Variants in GATAD2B observed in about 807,000 individuals in gnomAD.
The protein encoded by GATAD2B is GATA zinc finger domain containing 2B.
A neutral mutation model predicts 64.3 loss-of-function variants in GATAD2B; 8 were observed. That is an observed-to-expected ratio of 0.12 (90% CI 0.07 to 0.22). The LOEUF is 0.22. Ranked by LOEUF, GATAD2B falls within the 10% of genes least tolerant of loss-of-function variation. The pLI is 1.00. For missense variants in GATAD2B, 453 were observed against 752.0 expected, an observed-to-expected ratio of 0.60 and a Z score of 4.65; for synonymous variants, 281 against 271.3, an observed-to-expected ratio of 1.04 and a Z score of -0.35.
intron 1 of GATAD2B, among the ~76,000 whole-genome samples, chr1:153,899,367 G>C (rs1054112157): frequency 6.6e-6 from 1 of 152,130 alleles, no homozygotes; most frequent in African/African-American, 2.4e-5. Context: ...TCAGGAGCTC[G>C]AGACCAGCGT....
chr1:153,853,218 G>T, intron 1 of GATAD2B: 2 of 1,137,620 alleles, frequency 1.8e-6, no homozygotes, highest in Non-Finnish European at 2.7e-6. Flanking sequence ...GATGGGCAGA[G>T]CACACTGGTC....
rs145399481 is a variant in GATAD2B, at chr1:153,890,293, C to A, written c.-2+32440G>T. Among the ~76,000 whole-genome samples the A allele has an allele frequency of 4.0e-4, 60 of 151,800 alleles. 1 individual carries two copies. Among genetic ancestry groups the A allele is most frequent in the African/African-American group, 1.4e-3 (58 of 41,442 alleles). ...CACAAAGTCAAGAGATCAAGACCAT[C>A]CTGGCTAACACAGTGAGACCCCGTC... is the stretch of plus-strand genomic sequence containing the variant. On this transcript the variant is annotated intron_variant, in intron 1 of 10. Coordinates refer to ENST00000368655, the MANE Select transcript of GATAD2B (RefSeq NM_020699.4).
intron 1 of GATAD2B, among the ~76,000 whole-genome samples, chr1:153,912,054 G>A (rs1557834244): frequency 6.6e-6 from 1 of 152,148 alleles, no homozygotes; most frequent in Non-Finnish European, 1.5e-5. Context: ...AATTAAAAAT[G>A]CCCAGATTCT....
chr1:153,906,593 CT>C (rs1365318280), intron 1 of GATAD2B, among the ~76,000 whole-genome samples: 1 of 151,848 alleles, frequency 6.6e-6, no homozygotes, highest in Non-Finnish European at 1.5e-5. Context: ...TGATGTTGGA[CT>C]TGACAATGAT....
In GATAD2B at chr1:153,825,281, T is replaced by C. The variant is rs76975683; in HGVS notation, c.335+2732A>G. 1.8e-3 allele frequency among the ~76,000 whole-genome samples: 275 copies of C among 152,258 alleles called. 1 individual carries two copies. Among genetic ancestry groups the C allele is most frequent in the Non-Finnish European group, 2.4e-3 (161 of 68,020 alleles). ...TCATGATCTCATTCACCCATATCCT[T>C]TTCTTGCAAACAATCTAAAAATGAA... On this transcript the variant is annotated intron_variant, in intron 2 of 10. Transcript: ENST00000368655.
At chr1:153,839,707 C>T (rs1013943130) in intron 1 of GATAD2B, among the ~76,000 whole-genome samples, 6 of 152,142 alleles carry the variant, frequency 3.9e-5, no homozygotes, top group Non-Finnish European at 8.8e-5. Flanking sequence ...CAGTGGCTCA[C>T]ACCTGTAATC....
Position 153,808,821 on chromosome 1 carries a change from G to C in GATAD2B, c.*1356C>G. 7.0e-6 allele frequency: 1 copy of C among 142,216 alleles called. No homozygotes were observed. The highest frequency in any genetic ancestry group is 2.4e-4 in the South Asian group (1 of 4,156). The allele number at this position is 142,216 out of a possible 1,614,324, so 8.8% of individuals were successfully genotyped here. On this transcript the variant is annotated 3_prime_UTR_variant, in exon 11 of 11. Coordinates refer to ENST00000368655, the MANE Select transcript of GATAD2B (RefSeq NM_020699.4). ...GCTTAAAAAAAAAAAAAAAAAAAAG[G>C]CAAAATTAATATCATTCTGGGGGCG... is the stretch of plus-strand genomic sequence containing the variant.
intron 1 of GATAD2B, among the ~76,000 whole-genome samples, chr1:153,847,059 T>C (rs967133914): frequency 1.3e-5 from 2 of 152,010 alleles, no homozygotes; most frequent in African/African-American, 4.8e-5. Flanking sequence ...CTCTGCTTCC[T>C]GGTTTTAAGT....
chr1:153,844,298 G>T (rs1675606112), intron 1 of GATAD2B, among the ~76,000 whole-genome samples: 1 of 151,806 alleles, frequency 6.6e-6, no homozygotes, highest in African/African-American at 2.4e-5. Context: ...TTAGTAGCCA[G>T]ATTAGAAAAA....
chr1:153,894,698 T>C (rs1015806626), intron 1 of GATAD2B, among the ~76,000 whole-genome samples: 2 of 150,622 alleles, frequency 1.3e-5, no homozygotes, highest in Admixed American at 1.3e-4. Context: ...CCGTCTCTAC[T>C]AAAAATACAA....
chr1:153,899,153 A>G (rs1204748211), intron 1 of GATAD2B, among the ~76,000 whole-genome samples: 5 of 147,504 alleles, frequency 3.4e-5, no homozygotes, highest in African/African-American at 1.2e-4. Context: ...TACTTGGGGA[A>G]CTGAGGCTAG....
chr1:153,806,826 A>G lies in GATAD2B; in HGVS notation c.*3351T>C, dbSNP rs1259669622. 6.6e-6 allele frequency: 1 copy of G among 152,398 alleles called. No homozygotes were observed. The highest frequency in any genetic ancestry group is 1.5e-5 in the Non-Finnish European group (1 of 67,988). The allele number at this position is 152,398 out of a possible 1,614,324, so 9.4% of individuals were successfully genotyped here. On this transcript the variant is annotated 3_prime_UTR_variant, in exon 11 of 11. Coordinates refer to ENST00000368655, the MANE Select transcript of GATAD2B (RefSeq NM_020699.4). The stretch of plus-strand genomic sequence containing the variant: ...TCTGGAGGAGTGGGGAGAAAAGGGA[A>G]TGATTAGGGAAAAGGAACAAAAGTA...
chr1:153,806,459 A>C lies in GATAD2B; in HGVS notation c.*3718T>G. On this transcript the variant is annotated 3_prime_UTR_variant, in exon 11 of 11. Transcript: ENST00000368655. Reference sequence around the variant, plus strand: ...AGTCTCAGTGTGCTGGGCCCGGCCCACTCCCCTACCCACCCTCCACAGCCC... The same window carrying C: ...AGTCTCAGTGTGCTGGGCCCGGCCCCCTCCCCTACCCACCCTCCACAGCCC... The C allele has an allele frequency of 6.6e-6, 1 of 150,644 alleles. No homozygotes were observed. The highest frequency in any genetic ancestry group is 2.5e-5 in the African/African-American group (1 of 40,794). The allele number at this position is 150,644 out of a possible 1,614,324, so 9.3% of individuals were successfully genotyped here.
intron 1 of GATAD2B, among the ~76,000 whole-genome samples, chr1:153,906,976 A>AAAAC (rs757387138): frequency 6.6e-6 from 1 of 152,218 alleles, no homozygotes; most frequent in East Asian, 1.9e-4. Flanking sequence ...TTCCTATTCA[A>AAAAC]AAACAAACAA....
intron 1 of GATAD2B, among the ~76,000 whole-genome samples, chr1:153,832,689 G>C (rs1675121219): frequency 6.6e-6 from 1 of 152,158 alleles, no homozygotes; most frequent in Non-Finnish European, 1.5e-5. Context: ...TACATGTGTA[G>C]ATTTATTAAA....
chr1:153,828,521 A>T (rs1557789324), intron 1 of GATAD2B, among the ~76,000 whole-genome samples, 173 bp from the exon 2 acceptor site: 1 of 151,642 alleles, frequency 6.6e-6, no homozygotes, highest in Non-Finnish European at 1.5e-5. Context: ...GCTATGTCCT[A>T]CCTGATATTG....
chr1:153,861,320 C>T (rs928422953), intron 1 of GATAD2B, among the ~76,000 whole-genome samples: 1 of 151,736 alleles, frequency 6.6e-6, no homozygotes, highest in African/African-American at 2.4e-5. Context: ...GGAAGGCCAA[C>T]GCAGGAGGAT....
chr1:153,822,396 G>A (rs1437103978), intron 2 of GATAD2B, among the ~76,000 whole-genome samples: 1 of 152,092 alleles, frequency 6.6e-6, no homozygotes, highest in Admixed American at 6.6e-5. Context: ...GGAGATTTGG[G>A]AACTGTATGC....
At position 153,817,477 on chromosome 1, in the gene GATAD2B, A is replaced by C; in HGVS notation, c.795T>G (p.Val265=). ...TLPHMLMSQR[V]IAPNPAQLQG... is the part of the protein sequence containing the mutation. ...GTAGCTGGGCTGGGTTTGGTGCAAT[A>C]ACACGTTGAGACATCAACATGTGTG... Residue 265 remains valine (V), a synonymous_variant, in exon 6 of 11, where the codon GTT becomes GTG. Coordinates refer to ENST00000368655, the MANE Select transcript of GATAD2B (RefSeq NM_020699.4). 1.2e-6 allele frequency: 2 copies of C among 1,613,472 alleles called. No homozygotes were observed. The highest frequency in any genetic ancestry group is 1.7e-6 in the Non-Finnish European group (2 of 1,179,776).
Sources: allele counts gnomAD v4.1 joint callset (sites outside exome capture counted in the v4.1 genomes callset), GRCh38; gene constraint gnomAD v4.1.1; transcripts MANE v1.5; gene names NCBI Gene and HGNC (gene_info 2026-07-23, HGNC 2026-07-21).